Variants in CUL2 observed in about 807,000 individuals in gnomAD.
The protein encoded by CUL2 is cullin 2, also known as cullin-2.
CUL2 carries 22 observed loss-of-function variants against 110.2 expected under a neutral mutation model. That is an observed-to-expected ratio of 0.20 (90% CI 0.14 to 0.28). CUL2 has a LOEUF of 0.28. CUL2 is among the 10% of genes least tolerant of loss of function. CUL2 has a pLI of 1.00. For synonymous variants in CUL2, 279 were observed against 293.2 expected (o/e 0.95, Z 0.49); for missense variants, 631 against 905.5 (o/e 0.70, Z 3.89).
chr10:35,082,209 C>T (rs928893839), intron 1 of CUL2, among the ~76,000 whole-genome samples: 1 of 152,048 alleles, frequency 6.6e-6, no homozygotes, highest in Non-Finnish European at 1.5e-5. Context: ...AGAGCCAGAC[C>T]TTGTCTCTCA....
chr10:35,108,831 C>A (rs1589067304), intron 1 of CUL2, among the ~76,000 whole-genome samples: 1 of 152,322 alleles, frequency 6.6e-6, no homozygotes, highest in East Asian at 1.9e-4. Flanking sequence ...TCCCTGTGGA[C>A]CTCTCCATGG....
chr10:35,105,356 G>A (rs1038447390), intron 1 of CUL2, among the ~76,000 whole-genome samples: 2 of 151,384 alleles, frequency 1.3e-5, no homozygotes, highest in Admixed American at 6.6e-5. Flanking sequence ...AACCCGGGAG[G>A]CGGAGCTTGC....
chr10:35,079,840 A>C (rs2086904333), intron 1 of CUL2, among the ~76,000 whole-genome samples: 1 of 152,182 alleles, frequency 6.6e-6, no homozygotes, highest in South Asian at 2.1e-4. Context: ...TTACTAAGTA[A>C]AATCAGGGTG....
intron 8 of CUL2, among the ~76,000 whole-genome samples, chr10:35,040,216 G>A (rs755042662): frequency 9.9e-5 from 15 of 152,122 alleles, no homozygotes; most frequent in Non-Finnish European, 2.1e-4. Flanking sequence ...TCATAGTCAA[G>A]TATGTCAATC....
intron 17 of CUL2, among the ~76,000 whole-genome samples, chr10:35,018,569 G>C (rs1397456275): frequency 6.6e-6 from 1 of 151,976 alleles, no homozygotes; most frequent in Non-Finnish European, 1.5e-5. Context: ...TTCAAGACCA[G>C]CCTGACCAAC....
intron 9 of CUL2, 22 bp downstream of exon 9, chr10:35,038,881 TTTATAATTTAATTTCTA>T: frequency 7.0e-7 from 1 of 1,420,088 alleles, no homozygotes; most frequent in Non-Finnish European, 9.6e-7. Flanking sequence ...AAAAGGTGGA[TTTATAATTTAATTTCTA>T]CTCATGTTTG....
intron 16 of CUL2, 107 bp from the exon 17 acceptor site, chr10:35,025,305 C>A: frequency 7.4e-7 from 1 of 1,355,008 alleles, no homozygotes; most frequent in Non-Finnish European, 9.6e-7. Flanking sequence ...TTAGAAGAGA[C>A]ATTAAAGCCC....
intron 8 of CUL2, among the ~76,000 whole-genome samples, chr10:35,043,737 CAT>C (rs1336505500): frequency 1.3e-5 from 2 of 152,090 alleles, no homozygotes; most frequent in East Asian, 3.9e-4. Flanking sequence ...TGGGATTTAA[CAT>C]ATGATAACCA....
At chr10:35,065,543 C>A (rs139666469) in intron 2 of CUL2, among the ~76,000 whole-genome samples, 2 of 152,082 alleles carry the variant, frequency 1.3e-5, no homozygotes, top group African/African-American at 4.8e-5. Flanking sequence ...GGCGTGAACC[C>A]GAGAGATGGA....
rs900608384 is a variant in CUL2 at position 35,029,526 on chromosome 10, T to C, written c.1501A>G (p.Ile501Val). ...NNFIKNQDTV[I>V]DLGISFQIYV... Reference sequence around the variant, plus strand: ...ATTTGAAAACTAATTCCCAAATCTATTACTGTGTCTTGGTTTTTGATAAAA... The same window carrying C: ...ATTTGAAAACTAATTCCCAAATCTACTACTGTGTCTTGGTTTTTGATAAAA... The change falls in exon 15 of 21, where the codon ATA (isoleucine) becomes GTA (valine). Residue 501 changes from isoleucine (I) to valine (V), a missense_variant. Ile to Val is a conservative substitution (Grantham distance 29). Coordinates refer to ENST00000374749, the MANE Select transcript of CUL2 (RefSeq NM_003591.4). The C allele has an allele frequency of 8.2e-6, 13 of 1,578,112 alleles. No homozygotes were observed. Among genetic ancestry groups the C allele is most frequent in the Non-Finnish European group, 1.1e-5 (13 of 1,164,750 alleles).
At chr10:35,116,760 A>G (rs1012885941) in intron 1 of CUL2, among the ~76,000 whole-genome samples, 7 of 152,176 alleles carry the variant, frequency 4.6e-5, no homozygotes, top group Non-Finnish European at 1.0e-4. Context: ...AGGTCAAGAG[A>G]TTGAGACCAT....
intron 1 of CUL2, among the ~76,000 whole-genome samples, chr10:35,117,238 C>T (rs567379908): frequency 1.3e-5 from 2 of 152,106 alleles, no homozygotes; most frequent in African/African-American, 4.8e-5. Flanking sequence ...GCGGAATTCA[C>T]GAAGGCTGGT....
intron 1 of CUL2, among the ~76,000 whole-genome samples, chr10:35,115,105 G>A (rs1000221322): frequency 3.3e-5 from 5 of 152,078 alleles, no homozygotes; most frequent in Admixed American, 1.3e-4. Flanking sequence ...CCAACTACTC[G>A]GGAGGCTGAG....
intron 1 of CUL2, among the ~76,000 whole-genome samples, chr10:35,082,148 A>G (rs1231547457): frequency 6.6e-6 from 1 of 151,658 alleles, no homozygotes; most frequent in African/African-American, 2.4e-5. Flanking sequence ...AAAAAAAAAA[A>G]TTTGCCTGCA....
At chr10:35,121,180 C>A (rs558039932) in intron 1 of CUL2, among the ~76,000 whole-genome samples, 3 of 152,272 alleles carry the variant, frequency 2.0e-5, no homozygotes, top group African/African-American at 4.8e-5. Flanking sequence ...TTAACTGAGA[C>A]AAATGCCATC....
chr10:35,056,662 C>T (rs1196068784), intron 4 of CUL2, among the ~76,000 whole-genome samples: 1 of 152,202 alleles, frequency 6.6e-6, no homozygotes, highest in Non-Finnish European at 1.5e-5. Flanking sequence ...ACAGAGCTCA[C>T]TCTGTGGTAC....
intron 8 of CUL2, among the ~76,000 whole-genome samples, chr10:35,040,543 T>C (rs2085757778): frequency 6.6e-6 from 1 of 152,162 alleles, no homozygotes; most frequent in Admixed American, 6.5e-5. Flanking sequence ...AAATTTTCAA[T>C]AAAAATGAGG....
intron 8 of CUL2, among the ~76,000 whole-genome samples, chr10:35,042,532 C>T (rs2085820162): frequency 6.6e-6 from 1 of 152,278 alleles, no homozygotes; most frequent in Non-Finnish European, 1.5e-5. Flanking sequence ...CTTGCCCTAC[C>T]TTTCTGACTG....
chr10:35,123,589 T>C (rs1041773029), intron 1 of CUL2, among the ~76,000 whole-genome samples: 1 of 152,204 alleles, frequency 6.6e-6, no homozygotes, highest in African/African-American at 2.4e-5. Context: ...ATATTTTCTA[T>C]GTGGCTCCTG....
Sources: gnomAD v4.1 joint callset for allele counts (sites outside exome capture counted in the v4.1 genomes callset) on GRCh38, gnomAD v4.1.1 for gene constraint, MANE v1.5 for transcripts, NCBI Gene and HGNC (gene_info 2026-07-23, HGNC 2026-07-21) for gene names.